Variants in CCDC73 observed in about 807,000 individuals in gnomAD.
The protein encoded by CCDC73 is coiled-coil domain containing 73.
Under a neutral mutation model 116.5 loss-of-function variants are expected in CCDC73, and 95 were observed. That is an observed-to-expected ratio of 0.82 (90% CI 0.69 to 0.97). The LOEUF (loss-of-function observed/expected upper bound fraction) is 0.97. CCDC73 is among the 50% of genes least tolerant of loss of function. The probability of loss-of-function intolerance (pLI) is 0.00; values close to 1 mark genes in which losing one functional copy is unlikely to be tolerated. For missense variants in CCDC73, 1,066 were observed against 1,206.8 expected (o/e 0.88, Z 1.73); for synonymous variants, 398 against 401.3 (o/e 0.99, Z 0.10).
intron 14 of CCDC73, among the ~76,000 whole-genome samples, chr11:32,633,240 C>T (rs565408399): frequency 6.6e-6 from 1 of 152,206 alleles, no homozygotes; most frequent in South Asian, 2.1e-4. Flanking sequence ...AAACTGAAAA[C>T]TTCTAACTCA....
At chr11:32,816,638 T>C in the CCDC73 span, among the ~76,000 whole-genome samples, 1 of 152,150 alleles carries the variant, frequency 6.6e-6, no homozygotes, top group African/African-American at 2.4e-5. Flanking sequence ...AGCTCAGTGC[T>C]GTGGAGAGGG....
the CCDC73 span, among the ~76,000 whole-genome samples, chr11:32,816,832 A>T: frequency 1.3e-5 from 2 of 152,006 alleles, no homozygotes; most frequent in Non-Finnish European, 2.9e-5. Context: ...CACCTAGGCT[A>T]GAGTTCAATG....
At chr11:32,680,194 A>G (rs1316614296) in intron 7 of CCDC73, 1 of 152,238 alleles carries the variant, frequency 6.6e-6, no homozygotes, top group Non-Finnish European at 1.5e-5. Context: ...AAATTCTCTG[A>G]AAAGCAACAA....
chr11:32,679,054 T>C (rs1013057825), intron 7 of CCDC73, among the ~76,000 whole-genome samples: 3 of 152,144 alleles, frequency 2.0e-5, no homozygotes, highest in Admixed American at 6.5e-5. Context: ...TTATTGGTAA[T>C]AATTATGATA....
Position 32,614,199 on chromosome 11 carries a change from C to A in CCDC73, c.2119G>T (p.Asp707Tyr). The change falls in exon 16 of 18, where the codon GAC becomes TAC. Residue 707 changes from aspartate to tyrosine, a missense_variant. Coordinates refer to ENST00000335185, the MANE Select transcript of CCDC73 (RefSeq NM_001008391.4). The stretch of plus-strand genomic sequence containing the variant: ...AAAGCAGCATATGAAACATGGTGGT[C>A]GATTACTATATCACAGGGAACAGTT... The part of the protein sequence containing the change: ...ELTVPCDIVI[D>Y]HHVSYAAFSA... The A allele has an allele frequency of 6.2e-7, 1 of 1,613,664 alleles. No homozygotes were observed. Among genetic ancestry groups the A allele is most frequent in the South Asian group, 1.1e-5 (1 of 91,014 alleles).
intron 6 of CCDC73, among the ~76,000 whole-genome samples, chr11:32,685,681 A>C (rs979967557): frequency 2.6e-5 from 4 of 151,176 alleles, no homozygotes; most frequent in Non-Finnish European, 5.9e-5. Context: ...AAGCCACTAC[A>C]GAGTTCTGAG....
At chr11:32,671,063 T>C (rs2133282747) in intron 9 of CCDC73, among the ~76,000 whole-genome samples, 1 of 152,248 alleles carries the variant, frequency 6.6e-6, no homozygotes, top group East Asian at 1.9e-4. Context: ...TTTAGTACAC[T>C]GTCTGTTTTC....
the CCDC73 span, among the ~76,000 whole-genome samples, chr11:32,805,337 T>C: frequency 6.6e-6 from 1 of 152,368 alleles, no homozygotes; most frequent in Non-Finnish European, 1.5e-5. Flanking sequence ...TTTATGCACC[T>C]AAAGACTGCT....
At chr11:32,793,220 C>T (rs1850692085) in intron 1 of CCDC73, among the ~76,000 whole-genome samples, 1 of 152,150 alleles carries the variant, frequency 6.6e-6, no homozygotes, top group South Asian at 2.1e-4. Flanking sequence ...TAACAACTAC[C>T]CCCAAGGCAA....
At chr11:32,825,976 C>T in the CCDC73 span, among the ~76,000 whole-genome samples, 13 of 152,148 alleles carry the variant, frequency 8.5e-5, no homozygotes, top group Non-Finnish European at 1.8e-4. Context: ...AAACATGACA[C>T]GTAGGCCTTA....
At chr11:32,695,533 C>A (rs564438118) in intron 6 of CCDC73, among the ~76,000 whole-genome samples, 1 of 152,146 alleles carries the variant, frequency 6.6e-6, no homozygotes, top group Non-Finnish European at 1.5e-5. Flanking sequence ...TGCAGTTTCA[C>A]TTGTGGTAAA....
chr11:32,773,196 A>T (rs1250109330), intron 1 of CCDC73, among the ~76,000 whole-genome samples: 1 of 152,210 alleles, frequency 6.6e-6, no homozygotes, highest in African/African-American at 2.4e-5. Flanking sequence ...TAATGATTCA[A>T]CATATATGAA....
chr11:32,651,528 G>A (rs1855826157), intron 12 of CCDC73, among the ~76,000 whole-genome samples: 1 of 152,226 alleles, frequency 6.6e-6, no homozygotes, highest in Admixed American at 6.5e-5. Flanking sequence ...GCAGGACGTA[G>A]GTCCCCAGAG....
At chr11:32,656,859 C>CTT (rs3078264) in intron 9 of CCDC73, among the ~76,000 whole-genome samples, 66,651 of 151,654 alleles carry the variant, frequency 0.44, 15,097 homozygotes, top group African/African-American at 0.51. Context: ...ACTTTTGACT[C>CTT]TTGTAGAAGT....
rs1855460203 is a variant in CCDC73 at position 32,614,832 on chromosome 11, C to T, written c.1486G>A (p.Val496Ile). 1 of 1,612,802 alleles carries T rather than the reference C, an allele frequency of 6.2e-7. No individual in the cohort carries two copies. Residue 496 changes from valine (V) to isoleucine (I), a missense_variant, in exon 16 of 18, where the codon GTA (valine) becomes ATA (isoleucine). Coordinates refer to ENST00000335185, the MANE Select transcript of CCDC73 (RefSeq NM_001008391.4). ...TTCGAGGTTTGTCCTTGACTAATTA[C>T]TTCTTTATCTAAGGAGAGGGTTTTG... Reference protein sequence around the residue: ...LSKTLSLDKEVISQGQTSNVT... With the variant: ...LSKTLSLDKEIISQGQTSNVT...
chr11:32,656,092 T>TC (rs1002325948), intron 9 of CCDC73, among the ~76,000 whole-genome samples: 4 of 151,704 alleles, frequency 2.6e-5, no homozygotes, highest in South Asian at 4.1e-4. Flanking sequence ...TTCTTTTTTT[T>TC]TTTGAGACGG....
At chr11:32,632,132 CTT>C (rs923687721) in intron 14 of CCDC73, among the ~76,000 whole-genome samples, 14 of 152,216 alleles carry the variant, frequency 9.2e-5, no homozygotes, top group African/African-American at 3.4e-4. Flanking sequence ...TGTACTAAGA[CTT>C]ATTTTTTGTG....
chr11:32,797,428 A>G (rs542230522), upstream of CCDC73, among the ~76,000 whole-genome samples: 2 of 152,230 alleles, frequency 1.3e-5, no homozygotes, highest in African/African-American at 2.4e-5. Flanking sequence ...TGCTTCCTCT[A>G]CCTGGATGCT....
intron 2 of CCDC73, among the ~76,000 whole-genome samples, chr11:32,736,959 C>CATAT (rs1565088875): frequency 6.7e-6 from 1 of 148,752 alleles, no homozygotes; most frequent in Admixed American, 6.8e-5. Flanking sequence ...TATATACACA[C>CATAT]ATATACATAT....
Sources: allele counts gnomAD v4.1 joint callset (sites outside exome capture counted in the v4.1 genomes callset), GRCh38; gene constraint gnomAD v4.1.1; transcripts MANE v1.5; gene names NCBI Gene and HGNC (gene_info 2026-07-23, HGNC 2026-07-21).